Variants in ZFYVE28 observed in about 807,000 individuals in gnomAD.
ZFYVE28 encodes lateral signaling target protein 2 homolog.
In ZFYVE28, 40 loss-of-function variants were observed where a neutral mutation model predicts 82.1. The observed-to-expected ratio is 0.49, with a 90% CI of 0.38 to 0.63. ZFYVE28 has a LOEUF of 0.63. ZFYVE28 is among the 30% of genes least tolerant of loss of function. The pLI, the probability that ZFYVE28 is intolerant of heterozygous loss-of-function variation, is 0.00. For missense variants in ZFYVE28, 1,321 were observed against 1,242.1 expected, an observed-to-expected ratio of 1.06 and a Z score of -0.96; for synonymous variants, 612 against 546.1, an observed-to-expected ratio of 1.12 and a Z score of -1.68.
At chr4:2,280,406 G>C (rs1444994969) in intron 8 of ZFYVE28, among the ~76,000 whole-genome samples, 1 of 152,176 alleles carries the variant, frequency 6.6e-6, no homozygotes, top group Non-Finnish European at 1.5e-5. Flanking sequence ...TACTCTGGAA[G>C]CTGAGGTGGG....
chr4:2,280,425 T>C (rs940891928), intron 8 of ZFYVE28, among the ~76,000 whole-genome samples: 1 of 152,140 alleles, frequency 6.6e-6, no homozygotes, highest in African/African-American at 2.4e-5. Context: ...GGAGGATCGC[T>C]TGAGCCCAGG....
chr4:2,316,611 A>T (rs1169262636), intron 7 of ZFYVE28: 1 of 152,090 alleles, frequency 6.6e-6, no homozygotes, highest in Non-Finnish European at 1.5e-5. Context: ...CTGTGTTCAC[A>T]TTCTTGGGAG....
intron 8 of ZFYVE28, among the ~76,000 whole-genome samples, chr4:2,292,095 A>G (rs942510735): frequency 6.6e-6 from 1 of 152,166 alleles, no homozygotes; most frequent in African/African-American, 2.4e-5. Flanking sequence ...TCTGGGACAC[A>G]GCATGGGGGG....
At chr4:2,365,988 C>T (rs975596355) in intron 1 of ZFYVE28, among the ~76,000 whole-genome samples, 3 of 152,196 alleles carry the variant, frequency 2.0e-5, no homozygotes, top group Non-Finnish European at 4.4e-5. Flanking sequence ...ATGTGACCTG[C>T]TCGTAGGAAG....
At chr4:2,303,954 CCAGGGGCGGGATGGGCCGGGG>C (rs1716050621) in intron 8 of ZFYVE28, among the ~76,000 whole-genome samples, 1 of 152,244 alleles carries the variant, frequency 6.6e-6, no homozygotes, top group Non-Finnish European at 1.5e-5. Context: ...GCGGCTCACA[CCAGGGGCGGGATGGGCCGGGG>C]CTGCGGCAGG....
intron 1 of ZFYVE28, among the ~76,000 whole-genome samples, chr4:2,373,441 T>C (rs573533924): frequency 1.3e-5 from 2 of 152,262 alleles, no homozygotes; most frequent in East Asian, 3.9e-4. Flanking sequence ...TAAGGCAACA[T>C]TGAGCCATGA....
At position 2,417,566 on chromosome 4, in the gene ZFYVE28, C is replaced by A. The variant is rs759182313; in HGVS notation, c.39+719G>T. ...GGGCGCGCTCGCCCCAAGGGCCGGGCGGAGGACCTGTCCCGGATTCCAGAG... is the reference window on the plus strand; with the variant it reads ...GGGCGCGCTCGCCCCAAGGGCCGGGAGGAGGACCTGTCCCGGATTCCAGAG... On this transcript the variant is annotated intron_variant, in intron 1 of 12. Transcript: ENST00000290974. The surrounding 1 kb of genome is among the most constrained non-coding windows in gnomAD (Gnocchi z 4.8). 3.3e-5 allele frequency among the ~76,000 whole-genome samples: 5 copies of A among 151,944 alleles called. No individual in the cohort carries two copies. The highest frequency in any genetic ancestry group is 7.4e-5 in the Non-Finnish European group (5 of 67,942).
At chr4:2,387,967 G>T (rs1264642010) in intron 1 of ZFYVE28, among the ~76,000 whole-genome samples, 2 of 152,234 alleles carry the variant, frequency 1.3e-5, no homozygotes, top group African/African-American at 4.8e-5. Flanking sequence ...CCTGAACACA[G>T]ATCTGCAGCC....
chr4:2,295,172 C>G (rs28473093), intron 8 of ZFYVE28, among the ~76,000 whole-genome samples: 1 of 151,346 alleles, frequency 6.6e-6, no homozygotes, highest in Non-Finnish European at 1.5e-5. Flanking sequence ...TTTTTGTTTT[C>G]GTTTTTTGAG....
At chr4:2,293,100 A>T (rs1577933676) in intron 8 of ZFYVE28, among the ~76,000 whole-genome samples, 1 of 26,050 alleles carries the variant, frequency 3.8e-5, no homozygotes, top group African/African-American at 1.5e-4. Context: ...GTTCTTGATT[A>T]AAAAAAAAAA....
rs1410898815 is a variant in ZFYVE28, at chr4:2,417,545, G to A, written c.39+740C>T. On this transcript the variant is annotated intron_variant, in intron 1 of 12. Transcript: ENST00000290974. The surrounding 1 kb of genome is among the most constrained non-coding windows in gnomAD (Gnocchi z 4.8). ...CCCGCCGAGGCTGCTGGCCACGGGC[G>A]CGCTCGCCCCAAGGGCCGGGCGGAG... Among the ~76,000 whole-genome samples the A allele has an allele frequency of 6.6e-6, 1 of 151,912 alleles. No homozygotes were observed.
rs1341890806 is a variant in ZFYVE28, at chr4:2,362,195, G to C, written c.40-8122C>G. ...CTCCAGGAGACAGTGGTCACATGCA[G>C]ACTTCAGCTGGACAGAGGCTGGAGC... On this transcript the variant is annotated intron_variant, in intron 1 of 12. Coordinates refer to ENST00000290974, the MANE Select transcript of ZFYVE28 (RefSeq NM_020972.3). The surrounding 1 kb of genome is among the most constrained non-coding windows in gnomAD (Gnocchi z 5.1). 6.6e-6 allele frequency among the ~76,000 whole-genome samples: 1 copy of C among 152,170 alleles called. No homozygotes were observed. Among genetic ancestry groups the C allele is most frequent in the African/African-American group, 2.4e-5 (1 of 41,428 alleles).
At chr4:2,390,730 C>T (rs925073900) in intron 1 of ZFYVE28, among the ~76,000 whole-genome samples, 4 of 152,200 alleles carry the variant, frequency 2.6e-5, no homozygotes, top group African/African-American at 9.6e-5. Flanking sequence ...CTGAAGTTTA[C>T]GTTTAGTTTA....
chr4:2,376,222 T>C (rs1578308976), intron 1 of ZFYVE28, among the ~76,000 whole-genome samples: 1 of 151,234 alleles, frequency 6.6e-6, no homozygotes, highest in Non-Finnish European at 1.5e-5. Context: ...TTTACTTTTT[T>C]TTTTTAATGT....
intron 1 of ZFYVE28, among the ~76,000 whole-genome samples, chr4:2,401,848 A>C (rs1469347005): frequency 6.6e-6 from 1 of 152,168 alleles, no homozygotes; most frequent in African/African-American, 2.4e-5. Flanking sequence ...TCCCGGCCCA[A>C]GACCTGGGCT....
At position 2,383,535 on chromosome 4, in the gene ZFYVE28, T is replaced by A. The variant is rs115757878; in HGVS notation, c.40-29462A>T. Among the ~76,000 whole-genome samples the A allele has an allele frequency of 4.1e-3, 622 of 152,330 alleles. 7 individuals carry two copies. Among genetic ancestry groups the A allele is most frequent in the African/African-American group, 0.013 (556 of 41,568 alleles). ...AGCGTGAAAACAGACTAATACTCCT[T>A]TCCCTTAGTGGCAGCGCACTTATCC... On this transcript the variant is annotated intron_variant, in intron 1 of 12. Transcript: ENST00000290974.
chr4:2,329,079 T>C (rs924284877), intron 6 of ZFYVE28: 1 of 694,928 alleles, frequency 1.4e-6, no homozygotes, highest in African/African-American at 1.8e-5. Flanking sequence ...TGTTTTTCAA[T>C]ATTGTTTTGG....
chr4:2,271,734 C>A lies in ZFYVE28; in HGVS notation c.2369G>T (p.Cys790Phe). The A allele has an allele frequency of 6.2e-7, 1 of 1,613,910 alleles. No individual in the cohort carries two copies. The highest frequency in any genetic ancestry group is 8.5e-7 in the Non-Finnish European group (1 of 1,179,986). ...RSAALEDCAL[C>F]QETLSSSELA... is the part of the protein sequence containing the mutation. ...TTCAGAGGATGACAGGGTCTCCTGG[C>A]ACAGTGCACAGTCCTCCAAGGCCGC... Residue 790 changes from cysteine to phenylalanine, a missense_variant, in exon 11 of 13, where the codon TGC becomes TTC. Coordinates refer to ENST00000290974, the MANE Select transcript of ZFYVE28 (RefSeq NM_020972.3).
intron 1 of ZFYVE28, among the ~76,000 whole-genome samples, chr4:2,407,387 CT>C (rs1732036558): frequency 6.6e-6 from 1 of 152,022 alleles, no homozygotes; most frequent in African/African-American, 2.4e-5. Flanking sequence ...GCAGAGGCCC[CT>C]GTGAGGTTGC....
Sources: allele counts gnomAD v4.1 joint callset (sites outside exome capture counted in the v4.1 genomes callset), GRCh38; gene constraint gnomAD v4.1.1; non-coding constraint Gnocchi (gnomAD v3.1); transcripts MANE v1.5; gene names NCBI Gene and HGNC (gene_info 2026-07-23, HGNC 2026-07-21).